Variants in LSM12 observed in about 807,000 individuals in gnomAD.
The protein encoded by LSM12 is LSM12 homolog.
For synonymous variants in LSM12, 74 were observed against 87.3 expected (o/e 0.85, Z 0.85); for missense variants, 108 against 238.9 (o/e 0.45, Z 3.61).
chr17:44,049,444 CTTTTT>C (rs1473643806), intron 2 of LSM12, among the ~76,000 whole-genome samples: 1 of 151,834 alleles, frequency 6.6e-6, no homozygotes, highest in African/African-American at 2.4e-5. Flanking sequence ...CACCCAGCTA[CTTTTT>C]TTTATTTTTG....
chr17:44,066,270 G>C (rs1221284699), intron 1 of LSM12, among the ~76,000 whole-genome samples, 194 bp downstream of exon 1: 1 of 152,094 alleles, frequency 6.6e-6, no homozygotes, highest in Admixed American at 6.6e-5. Context: ...GAGAGAGACA[G>C]GATCCCCAAA....
intron 2 of LSM12, among the ~76,000 whole-genome samples, chr17:44,047,536 C>T (rs1208771167): frequency 1.3e-5 from 2 of 152,000 alleles, no homozygotes; most frequent in African/African-American, 4.8e-5. Flanking sequence ...CATGAGCCAC[C>T]ATGCCCAGCC....
intron 2 of LSM12, among the ~76,000 whole-genome samples, chr17:44,046,522 A>C (rs1262099443): frequency 6.6e-6 from 1 of 150,488 alleles, no homozygotes; most frequent in Non-Finnish European, 1.5e-5. Flanking sequence ...CCTGGCTAAC[A>C]CGGTGAAACC....
chr17:44,041,326 CACACACAA>C lies in LSM12; in HGVS notation c.259-1078_259-1071del, dbSNP rs1471035359. On this transcript the variant is annotated intron_variant, in intron 2 of 4. Transcript: ENST00000293406. ...ACACACACACACACACACACACACA[CACACACAA>C]ACACACACACACACACAGAATTTCC... is the stretch of plus-strand genomic sequence containing the variant. Among the ~76,000 whole-genome samples the C allele has an allele frequency of 6.6e-3, 933 of 142,318 alleles. 6 individuals carry two copies. Among genetic ancestry groups the C allele is most frequent in the African/African-American group, 0.02 (729 of 35,732 alleles). The allele number at this position is 142,318 out of a possible 152,430, so 93.4% of individuals were successfully genotyped here.
At chr17:44,065,461 A>T (rs1451974370) in intron 1 of LSM12, among the ~76,000 whole-genome samples, 26 of 141,928 alleles carry the variant, frequency 1.8e-4, no homozygotes, top group South Asian at 6.6e-4. Flanking sequence ...AAAAAAAAAG[A>T]TGCCATAAAA....
At chr17:44,038,444 G>A (rs542693567) in intron 3 of LSM12, among the ~76,000 whole-genome samples, 1 of 152,026 alleles carries the variant, frequency 6.6e-6, no homozygotes, top group East Asian at 1.9e-4. Context: ...GGATCATGAG[G>A]TCAGGAGATC....
rs1275501724 is a variant in LSM12, at chr17:44,040,239, C to T, written c.276G>A (p.Arg92=). ...GGCTCAGCTTCTCCTCCTTCTCTGT[C>T]CGTGCTTTGCTGGCAAGCTAGGGTG... ...LNVSKLASKA[R]TEKEEKLSQA... Residue 92 remains arginine (R), a synonymous_variant, in exon 3 of 5, where the codon CGG becomes CGA. Transcript: ENST00000293406. The T allele has an allele frequency of 1.9e-6, 3 of 1,613,848 alleles. No individual in the cohort carries two copies. Among genetic ancestry groups the T allele is most frequent in the South Asian group, 1.1e-5 (1 of 91,072 alleles).
rs2049409535 is a variant in LSM12, at chr17:44,035,783, GTTAC to G, written c.*421_*424del. ...TCAATTTAAGAATCACAGTCAGCTT[GTTAC>G]TTTTATTTTGGAAGAAAAGATGTAA... On this transcript the variant is annotated 3_prime_UTR_variant, in exon 5 of 5. Transcript: ENST00000293406. 6.5e-6 allele frequency: 1 copy of G among 153,126 alleles called. No homozygotes were observed. Among genetic ancestry groups the G allele is most frequent in the African/African-American group, 2.4e-5 (1 of 41,154 alleles). 9.5% of individuals were successfully genotyped at this position (153,126 alleles called of 1,614,324 possible). A position where few individuals can be genotyped will look rare whatever the true frequency, so the allele number is the denominator to read the frequency against.
At chr17:44,047,768 C>T (rs1304670294) in intron 2 of LSM12, among the ~76,000 whole-genome samples, 2 of 149,728 alleles carry the variant, frequency 1.3e-5, no homozygotes, top group African/African-American at 4.9e-5. Flanking sequence ...TTTTATGTAG[C>T]GATGGGGTCT....
intron 2 of LSM12, among the ~76,000 whole-genome samples, chr17:44,055,693 T>A (rs868637961): frequency 1.4e-5 from 2 of 143,614 alleles, no homozygotes; most frequent in East Asian, 2.0e-4. Flanking sequence ...ATATATAAAA[T>A]ATATATATAT....
chr17:44,042,680 T>C (rs569023154), intron 2 of LSM12, among the ~76,000 whole-genome samples: 1 of 151,906 alleles, frequency 6.6e-6, no homozygotes, highest in Non-Finnish European at 1.5e-5. Flanking sequence ...TTCTCCTGCC[T>C]CAGCCTCCCG....
chr17:44,051,478 G>A (rs1322618335), intron 2 of LSM12, among the ~76,000 whole-genome samples: 1 of 151,730 alleles, frequency 6.6e-6, no homozygotes, highest in Non-Finnish European at 1.5e-5. Flanking sequence ...GCTTGTGCCT[G>A]GGGGGAGGAG....
intron 2 of LSM12, 37 bp downstream of exon 2, chr17:44,063,764 C>T (rs2144116713): frequency 6.3e-7 from 1 of 1,585,822 alleles, no homozygotes; most frequent in Non-Finnish European, 8.6e-7. Context: ...ATCTTTCCCA[C>T]CATTTTAGAG....
At chr17:44,050,752 C>A (rs906195997) in intron 2 of LSM12, among the ~76,000 whole-genome samples, 2 of 152,074 alleles carry the variant, frequency 1.3e-5, no homozygotes, top group African/African-American at 4.8e-5. Flanking sequence ...AACCCCTGAC[C>A]GCAAGTGATC....
rs146956987 is a variant in LSM12, at chr17:44,062,456, G to A, written c.258+1345C>T. Among the ~76,000 whole-genome samples, 29 of 152,324 alleles carry A rather than the reference G, an allele frequency of 1.9e-4. No homozygotes were observed. In the East Asian group the frequency reaches 5.0e-3, roughly 26 times the overall value. ...CTTGGAAGACGTGCCATTTAACTGAGTGCTGATGGGTGGTAAGGCTCCAGT... is the reference window on the plus strand; with the variant it reads ...CTTGGAAGACGTGCCATTTAACTGAATGCTGATGGGTGGTAAGGCTCCAGT... On this transcript the variant is annotated intron_variant, in intron 2 of 4. Coordinates refer to ENST00000293406, the MANE Select transcript of LSM12 (RefSeq NM_001371445.1).
intron 1 of LSM12, among the ~76,000 whole-genome samples, chr17:44,065,702 G>A (rs1358397769): frequency 6.6e-6 from 1 of 152,074 alleles, no homozygotes; most frequent in African/African-American, 2.4e-5. Flanking sequence ...CCATGTGCTG[G>A]ACTGATCAAG....
chr17:44,066,071 C>T (rs2049869861), intron 1 of LSM12, among the ~76,000 whole-genome samples: 1 of 152,044 alleles, frequency 6.6e-6, no homozygotes, highest in South Asian at 2.1e-4. Flanking sequence ...TTACCCTAAA[C>T]ACCCCTCCCC....
chr17:44,063,625 A>G lies in LSM12; in HGVS notation c.258+176T>C, dbSNP rs142080118. Among the ~76,000 whole-genome samples the G allele has an allele frequency of 1.7e-3, 256 of 152,346 alleles. 3 individuals carry two copies. The highest frequency in any genetic ancestry group is 6.0e-3 in the African/African-American group (250 of 41,580). On this transcript the variant is annotated intron_variant, in intron 2 of 4. Transcript: ENST00000293406. ...TTAAGCTACTTCTTAAGATCTACTG[A>G]TAACATCCAGGAATAAAGAGAAAAA...
At chr17:44,054,886 T>C (rs1294109397) in intron 2 of LSM12, among the ~76,000 whole-genome samples, 1 of 151,876 alleles carries the variant, frequency 6.6e-6, no homozygotes, top group Admixed American at 6.6e-5. Flanking sequence ...TCGCCCAGGC[T>C]GGAGTGCAGT....
Sources: gnomAD v4.1 joint callset for allele counts (sites outside exome capture counted in the v4.1 genomes callset) on GRCh38, gnomAD v4.1.1 for gene constraint, MANE v1.5 for transcripts, NCBI Gene and HGNC (gene_info 2026-07-23, HGNC 2026-07-21) for gene names.